Variants in PID1 observed in about 807,000 individuals in gnomAD.
The protein encoded by PID1 is PTB-containing, cubilin and LRP1-interacting protein.
In PID1, 10 loss-of-function variants were observed where a neutral mutation model predicts 19.1. That is an observed-to-expected ratio of 0.52 (90% CI 0.32 to 0.89). The LOEUF (loss-of-function observed/expected upper bound fraction) is 0.89, where lower values mean the gene tolerates loss of function less well. PID1 is among the 40% of genes least tolerant of loss of function. The pLI is 0.03. For missense variants in PID1, 248 were observed against 285.3 expected (o/e 0.87, Z 0.94); for synonymous variants, 130 against 116.0 (o/e 1.12, Z -0.78).
At chr2:229,056,191 T>C (rs1015892979) in intron 2 of PID1, among the ~76,000 whole-genome samples, 1 of 152,162 alleles carries the variant, frequency 6.6e-6, no homozygotes, top group African/African-American at 2.4e-5. Flanking sequence ...GATAAGAATA[T>C]TAACAAGAGT....
intron 2 of PID1, among the ~76,000 whole-genome samples, chr2:229,121,287 A>C (rs1695513523): frequency 6.6e-6 from 1 of 152,160 alleles, no homozygotes; most frequent in Non-Finnish European, 1.5e-5. Context: ...AACCTCAAAG[A>C]AGCAACACTC....
At chr2:229,135,602 G>C (rs1380402690) in intron 2 of PID1, among the ~76,000 whole-genome samples, 4 of 152,116 alleles carry the variant, frequency 2.6e-5, no homozygotes, top group Non-Finnish European at 5.9e-5. Context: ...TGTATAGAAA[G>C]GTTCAGATAA....
At chr2:229,113,221 T>C (rs914514449) in intron 2 of PID1, among the ~76,000 whole-genome samples, 51 of 152,162 alleles carry the variant, frequency 3.4e-4, no homozygotes, top group African/African-American at 1.0e-3. Flanking sequence ...ATCCACTATA[T>C]GAATTTGTTG....
chr2:229,227,595 C>T (rs1460804038), intron 1 of PID1, among the ~76,000 whole-genome samples: 1 of 152,136 alleles, frequency 6.6e-6, no homozygotes, highest in Non-Finnish European at 1.5e-5. Context: ...GGCAAGCCCA[C>T]CATCAAACAG....
chr2:229,118,016 AG>A (rs1022529162), intron 2 of PID1, among the ~76,000 whole-genome samples: 2 of 152,126 alleles, frequency 1.3e-5, no homozygotes, highest in African/African-American at 4.8e-5. Context: ...ATAGATTGGA[AG>A]GTTCATGAGG....
chr2:229,157,286 C>T (rs750016109), intron 1 of PID1, among the ~76,000 whole-genome samples: 2 of 151,932 alleles, frequency 1.3e-5, no homozygotes, highest in Non-Finnish European at 2.9e-5. Context: ...AAAAATTAGC[C>T]GGGCGTGATG....
At chr2:229,032,246 C>T (rs1163518321) in intron 2 of PID1, among the ~76,000 whole-genome samples, 2 of 152,138 alleles carry the variant, frequency 1.3e-5, no homozygotes, top group Non-Finnish European at 2.9e-5. Context: ...AGAGAGGTCC[C>T]CTCCTGCCAT....
intron 1 of PID1, among the ~76,000 whole-genome samples, chr2:229,198,897 T>G (rs1223106433): frequency 6.6e-6 from 1 of 152,086 alleles, no homozygotes; most frequent in Non-Finnish European, 1.5e-5. Flanking sequence ...GTCAGAGATG[T>G]TCTTTCTGAA....
chr2:229,105,782 TTACTTC>T (rs1559235320), intron 2 of PID1, among the ~76,000 whole-genome samples: 1 of 152,132 alleles, frequency 6.6e-6, no homozygotes, highest in Non-Finnish European at 1.5e-5. Context: ...CCAATCAATA[TTACTTC>T]CAAGAACATG....
rs192874967 is a variant in PID1, at chr2:229,123,351, C to T, written c.177+32467G>A. 1.5e-4 allele frequency among the ~76,000 whole-genome samples: 23 copies of T among 152,278 alleles called. No homozygotes were observed. The East Asian group carries it at 2.1e-3, about 14-fold the overall frequency. On this transcript the variant is annotated intron_variant, in intron 2 of 2. Coordinates refer to ENST00000392055, the MANE Select transcript of PID1 (RefSeq NM_001100818.2). ...TCATCTATGTTGTGACCTGGATCCACGCTTCATTTCTTTGTATTGCCAAAT... is the reference window on the plus strand; with the variant it reads ...TCATCTATGTTGTGACCTGGATCCATGCTTCATTTCTTTGTATTGCCAAAT...
At chr2:229,159,563 A>G (rs1157189720) in intron 1 of PID1, among the ~76,000 whole-genome samples, 1 of 152,096 alleles carries the variant, frequency 6.6e-6, no homozygotes, top group Non-Finnish European at 1.5e-5. Context: ...TCTCCTTTGC[A>G]GTTTTGGACT....
intron 2 of PID1, among the ~76,000 whole-genome samples, chr2:229,051,671 A>G (rs1693999368): frequency 6.6e-6 from 1 of 152,170 alleles, no homozygotes; most frequent in Admixed American, 6.6e-5. Context: ...ACCATTACAT[A>G]ACAAAGTAAC....
At chr2:229,115,561 T>C (rs1442730972) in intron 2 of PID1, among the ~76,000 whole-genome samples, 2 of 152,178 alleles carry the variant, frequency 1.3e-5, no homozygotes, top group African/African-American at 4.8e-5. Flanking sequence ...AAACACATGG[T>C]TTGAATCCCT....
intron 1 of PID1, among the ~76,000 whole-genome samples, chr2:229,180,157 A>T (rs913055907): frequency 5.9e-5 from 9 of 152,212 alleles, no homozygotes; most frequent in African/African-American, 2.4e-5. Context: ...AAGTGACCTA[A>T]TTTTTTCTAG....
intron 2 of PID1, among the ~76,000 whole-genome samples, chr2:229,092,371 G>T (rs1431058007): frequency 6.6e-6 from 1 of 152,116 alleles, no homozygotes; most frequent in African/African-American, 2.4e-5. Context: ...GATGAGAGGG[G>T]CATAGGCAAC....
At chr2:229,065,201 GA>G (rs1323778500) in intron 2 of PID1, among the ~76,000 whole-genome samples, 1 of 152,114 alleles carries the variant, frequency 6.6e-6, no homozygotes, top group East Asian at 1.9e-4. Context: ...GTACCTGAAG[GA>G]AACTCTTCTT....
At chr2:229,185,730 C>G (rs775149752) in intron 1 of PID1, among the ~76,000 whole-genome samples, 3 of 152,140 alleles carry the variant, frequency 2.0e-5, no homozygotes, top group Non-Finnish European at 4.4e-5. Context: ...ATTCAATTAC[C>G]TCCCACTGGG....
At chr2:229,031,685 G>A (rs917875213) in intron 2 of PID1, among the ~76,000 whole-genome samples, 9 of 152,150 alleles carry the variant, frequency 5.9e-5, no homozygotes, top group Non-Finnish European at 1.2e-4. Flanking sequence ...TTTAAATAGC[G>A]TGTCCCTAAA....
At chr2:229,069,903 C>T (rs1325174565) in intron 2 of PID1, among the ~76,000 whole-genome samples, 1 of 152,278 alleles carries the variant, frequency 6.6e-6, no homozygotes, top group African/African-American at 2.4e-5. Flanking sequence ...CACACACAAG[C>T]ACAAATCAAC....
Sources: gnomAD v4.1 joint callset for allele counts (sites outside exome capture counted in the v4.1 genomes callset) on GRCh38, gnomAD v4.1.1 for gene constraint, MANE v1.5 for transcripts, NCBI Gene and HGNC (gene_info 2026-07-23, HGNC 2026-07-21) for gene names.